RARB: variants seen among roughly 807,000 people sequenced by gnomAD.
The protein encoded by RARB is retinoic acid receptor beta, also known as HBV-activated protein.
RARB carries 17 observed loss-of-function variants against 51.9 expected under a neutral mutation model. The ratio of observed to expected loss-of-function variants is 0.33; its 90% CI spans 0.22 to 0.49. The LOEUF is 0.49. Among genes scored for constraint, RARB ranks in the 20% least tolerant of loss-of-function variants. The pLI, the probability that RARB is intolerant of heterozygous loss-of-function variation, is 0.99. For missense variants in RARB, 369 were observed against 550.8 expected (o/e 0.67, Z 3.30); for synonymous variants, 215 against 195.4 (o/e 1.10, Z -0.84).
intron 2 of RARB, among the ~76,000 whole-genome samples, chr3:24,928,766 A>T (rs534166121): frequency 6.6e-6 from 1 of 152,000 alleles, no homozygotes; most frequent in South Asian, 2.1e-4. Context: ...ATTCTCTCCA[A>T]TGATAAGATC....
intron 3 of RARB, among the ~76,000 whole-genome samples, chr3:25,099,056 G>A (rs1021211464): frequency 1.3e-5 from 2 of 152,286 alleles, no homozygotes; most frequent in Non-Finnish European, 2.9e-5. Context: ...GCTTGGCTGT[G>A]TACCTAGCAC....
chr3:25,245,578 A>T (rs1010593091), intron 5 of RARB, among the ~76,000 whole-genome samples: 1 of 152,182 alleles, frequency 6.6e-6, no homozygotes, highest in Non-Finnish European at 1.5e-5. Flanking sequence ...GTTTGGCTGG[A>T]TATGAAATTC....
rs564854133 is a variant in RARB at position 25,513,522 on chromosome 3, T to TCTCC, written c.448+12201_448+12204dup. Reference sequence around the variant, plus strand: ...TTTTTACCTTTCCCATTCTGCCTCCTCTCCCACTTTGCACCATATGAGTGA... The same window carrying TCTCC: ...TTTTTACCTTTCCCATTCTGCCTCCTCTCCCTCCCACTTTGCACCATATGAGTGA... On this transcript the variant is annotated intron_variant, in intron 3 of 7. Coordinates refer to ENST00000330688, the MANE Select transcript of RARB (RefSeq NM_000965.5). Among the ~76,000 whole-genome samples the TCTCC allele has an allele frequency of 7.9e-4, 121 of 152,238 alleles. 1 individual carries two copies. In the East Asian group the frequency reaches 0.014, roughly 17 times the overall value.
At chr3:24,985,303 T>A (rs1420758997) in intron 2 of RARB, among the ~76,000 whole-genome samples, 1 of 152,076 alleles carries the variant, frequency 6.6e-6, no homozygotes. Flanking sequence ...CAATCGGACT[T>A]ACACTGCTTC....
At chr3:25,582,003 T>C (rs943544141) in intron 5 of RARB, among the ~76,000 whole-genome samples, 20 of 150,530 alleles carry the variant, frequency 1.3e-4, no homozygotes, top group African/African-American at 4.2e-4. Context: ...AAGATCGGGG[T>C]GGAGTGGGGT....
intron 3 of RARB, among the ~76,000 whole-genome samples, chr3:25,110,136 C>G (rs796855637): frequency 1.8e-4 from 28 of 152,252 alleles, no homozygotes; most frequent in African/African-American, 6.5e-4. Context: ...GAGTGGTATC[C>G]TCCAAAAAAA....
At chr3:24,892,902 T>C (rs1452141558) in intron 2 of RARB, among the ~76,000 whole-genome samples, 1 of 152,254 alleles carries the variant, frequency 6.6e-6, no homozygotes, top group African/African-American at 2.4e-5. Flanking sequence ...GGGCTATCAC[T>C]GTGCTATGAT....
In RARB at chr3:24,924,974, A is replaced by G. The variant is rs1375502506; in HGVS notation, c.-380+66222A>G. Reference sequence around the variant, plus strand: ...CAACCACTATAGACAATGCAAGCTTATATCACCTGTTCCTGGGCTGACCAC... The same window carrying G: ...CAACCACTATAGACAATGCAAGCTTGTATCACCTGTTCCTGGGCTGACCAC... On this transcript the variant is annotated intron_variant, in intron 2 of 11. Transcript: ENST00000383772. Among the ~76,000 whole-genome samples, 6 of 152,112 alleles carry G rather than the reference A, an allele frequency of 3.9e-5. No homozygotes were observed. In the East Asian group the frequency reaches 5.8e-4, roughly 15 times the overall value.
At chr3:25,427,945 TAAA>T (rs1433912888), upstream of RARB, among the ~76,000 whole-genome samples, 1 of 152,094 alleles carries the variant, frequency 6.6e-6, no homozygotes, top group Non-Finnish European at 1.5e-5. Context: ...CCGCCGCAAA[TAAA>T]AAGGCGTAAA....
chr3:25,059,760 A>C (rs901972969), intron 2 of RARB, among the ~76,000 whole-genome samples: 3 of 151,754 alleles, frequency 2.0e-5, no homozygotes, highest in African/African-American at 7.2e-5. Flanking sequence ...ATTTAAAAAA[A>C]AGCAAGCAAA....
At chr3:24,941,639 G>C (rs755109730) in intron 2 of RARB, among the ~76,000 whole-genome samples, 1 of 152,062 alleles carries the variant, frequency 6.6e-6, no homozygotes, top group African/African-American at 2.4e-5. Flanking sequence ...AAGTTGCTGG[G>C]ATTACAGGCA....
intron 5 of RARB, among the ~76,000 whole-genome samples, chr3:25,187,704 T>C (rs1369741724): frequency 6.6e-6 from 1 of 152,104 alleles, no homozygotes; most frequent in Admixed American, 6.6e-5. Context: ...TCTGATGGTG[T>C]TCAGGCTACA....
chr3:24,878,017 T>A (rs2125354302), intron 2 of RARB, among the ~76,000 whole-genome samples: 1 of 152,230 alleles, frequency 6.6e-6, no homozygotes, highest in South Asian at 2.1e-4. Context: ...AAAGGGATAA[T>A]AAAAGTACTA....
chr3:25,286,673 C>A (rs895661470), intron 5 of RARB, among the ~76,000 whole-genome samples: 1 of 152,158 alleles, frequency 6.6e-6, no homozygotes, highest in African/African-American at 2.4e-5. Context: ...ATCCTTCCCC[C>A]CAATTGATTT....
intron 5 of RARB, among the ~76,000 whole-genome samples, chr3:25,386,999 G>A (rs1315294046): frequency 1.3e-5 from 2 of 152,200 alleles, no homozygotes; most frequent in Non-Finnish European, 2.9e-5. Flanking sequence ...AGTGAACAGA[G>A]GTGCTACAGT....
chr3:25,545,736 C>G (rs538322817), intron 3 of RARB, among the ~76,000 whole-genome samples: 3 of 152,288 alleles, frequency 2.0e-5, no homozygotes, highest in African/African-American at 7.2e-5. Context: ...GCCCAGCACA[C>G]AGCCTCCCTT....
At chr3:25,343,698 T>C (rs1705301300) in intron 5 of RARB, among the ~76,000 whole-genome samples, 1 of 152,200 alleles carries the variant, frequency 6.6e-6, no homozygotes, top group Non-Finnish European at 1.5e-5. Context: ...AAGAGGTATA[T>C]GGTTTGTTAC....
intron 2 of RARB, among the ~76,000 whole-genome samples, chr3:25,492,404 C>G (rs530189014): frequency 2.1e-3 from 320 of 152,300 alleles, no homozygotes; most frequent in African/African-American, 7.0e-3. Context: ...AAATAAAGAA[C>G]ATTGTGAACT....
intron 5 of RARB, among the ~76,000 whole-genome samples, chr3:25,314,554 A>C (rs893992946): frequency 2.0e-5 from 3 of 152,204 alleles, no homozygotes; most frequent in Admixed American, 2.0e-4. Flanking sequence ...TGCCAGGTAA[A>C]ATGGCACAAT....
Sources: allele counts gnomAD v4.1 joint callset (sites outside exome capture counted in the v4.1 genomes callset), GRCh38; gene constraint gnomAD v4.1.1; transcripts MANE v1.5; gene names NCBI Gene and HGNC (gene_info 2026-07-23, HGNC 2026-07-21).